The following ENTREP2 variants were observed in gnomAD, a reference collection of about 807,000 sequenced individuals.
The protein encoded by ENTREP2 is protein ENTREP2.
At chr15:29,324,743 C>T in the ENTREP2 span, among the ~76,000 whole-genome samples, 65 of 152,164 alleles carry the variant, frequency 4.3e-4, 2 homozygotes, top group East Asian at 4.8e-3. Flanking sequence ...AAAAACAGAG[C>T]GTCAAAATAC....
the ENTREP2 span, among the ~76,000 whole-genome samples, chr15:29,577,415 A>G: frequency 6.6e-6 from 1 of 151,750 alleles, no homozygotes; most frequent in African/African-American, 2.4e-5. Flanking sequence ...GTGCAGTGGC[A>G]CAAAGACGGC....
the ENTREP2 span, among the ~76,000 whole-genome samples, chr15:29,478,011 A>T: frequency 5.4e-3 from 376 of 70,262 alleles, 10 homozygotes; most frequent in African/African-American, 0.012. Flanking sequence ...ATATATATAT[A>T]TATATATATT....
At chr15:29,654,872 CA>C in the ENTREP2 span, among the ~76,000 whole-genome samples, 1 of 150,742 alleles carries the variant, frequency 6.6e-6, no homozygotes, top group Non-Finnish European at 1.5e-5. Context: ...ACATAAAATT[CA>C]AGGACAAGCC....
the ENTREP2 span, among the ~76,000 whole-genome samples, chr15:29,299,852 G>T: frequency 6.6e-6 from 1 of 151,926 alleles, no homozygotes; most frequent in African/African-American, 2.4e-5. Flanking sequence ...TTAAATGGAT[G>T]GGTAGGTAGA....
the ENTREP2 span, among the ~76,000 whole-genome samples, chr15:29,515,672 T>C: frequency 1.3e-5 from 2 of 152,196 alleles, no homozygotes; most frequent in East Asian, 3.8e-4. Flanking sequence ...TCTAATCTAC[T>C]GAACTAAAAG....
At chr15:29,378,139 C>A in the ENTREP2 span, among the ~76,000 whole-genome samples, 1 of 151,568 alleles carries the variant, frequency 6.6e-6, no homozygotes, top group African/African-American at 2.4e-5. Context: ...TAGCTCATTA[C>A]TTAAGGTGTG....
chr15:29,570,178 T>C, the ENTREP2 span, among the ~76,000 whole-genome samples: 1 of 151,058 alleles, frequency 6.6e-6, no homozygotes, highest in East Asian at 2.0e-4. Flanking sequence ...GGCGAGGTCG[T>C]GTCCCCGGCG....
At chr15:29,165,274 C>A in the ENTREP2 span, among the ~76,000 whole-genome samples, 2 of 151,866 alleles carry the variant, frequency 1.3e-5, no homozygotes, top group African/African-American at 2.4e-5. Context: ...ACTAGAGAAA[C>A]AAGAAAAACC....
At chr15:29,262,003 A>G in the ENTREP2 span, among the ~76,000 whole-genome samples, 1 of 151,842 alleles carries the variant, frequency 6.6e-6, no homozygotes, top group Non-Finnish European at 1.5e-5. Flanking sequence ...AAAGGGAAAC[A>G]ATAAAAAAGA....
the ENTREP2 span, among the ~76,000 whole-genome samples, chr15:29,659,240 G>A: frequency 6.6e-6 from 1 of 152,300 alleles, no homozygotes; most frequent in Non-Finnish European, 1.5e-5. Context: ...GAAGGCTGAG[G>A]CTGGCAGATC....
the ENTREP2 span, among the ~76,000 whole-genome samples, chr15:29,294,099 G>T: frequency 2.0e-5 from 3 of 152,312 alleles, no homozygotes; most frequent in South Asian, 6.2e-4. Context: ...AAGCAAAGAG[G>T]GCCCTCTGGG....
the ENTREP2 span, among the ~76,000 whole-genome samples, chr15:29,537,027 A>C: frequency 6.6e-6 from 1 of 152,130 alleles, no homozygotes; most frequent in South Asian, 2.1e-4. Context: ...GTTTTAAGCC[A>C]CCTAATCTGG....
the ENTREP2 span, chr15:29,375,952 A>C: frequency 6.6e-6 from 1 of 152,170 alleles, no homozygotes; most frequent in South Asian, 2.1e-4. Context: ...AAAATAAACC[A>C]CCATCTGAGT....
chr15:29,649,402 G>T, the ENTREP2 span, among the ~76,000 whole-genome samples: 3 of 152,102 alleles, frequency 2.0e-5, no homozygotes, highest in Admixed American at 6.6e-5. Context: ...ATTTCAGACA[G>T]AGTATTTAGC....
chr15:29,509,566 A>G, the ENTREP2 span, among the ~76,000 whole-genome samples: 65 of 152,306 alleles, frequency 4.3e-4, no homozygotes, highest in Admixed American at 3.9e-3. Flanking sequence ...ATACAGGCCA[A>G]TGGAACAGAA....
At chr15:29,297,815 G>C in the ENTREP2 span, among the ~76,000 whole-genome samples, 8 of 152,104 alleles carry the variant, frequency 5.3e-5, no homozygotes, top group African/African-American at 1.9e-4. Context: ...TTCGGCTCTT[G>C]AACAGCTAGA....
At chr15:29,372,874 C>T in the ENTREP2 span, among the ~76,000 whole-genome samples, 2 of 151,454 alleles carry the variant, frequency 1.3e-5, no homozygotes, top group African/African-American at 4.9e-5. Flanking sequence ...AATACTGAAT[C>T]GTTCAAAAAA....
chr15:29,207,440 CT>C, the ENTREP2 span, among the ~76,000 whole-genome samples: 2 of 90,856 alleles, frequency 2.2e-5, no homozygotes, highest in Non-Finnish European at 4.5e-5. Context: ...CGGTGTGCCG[CT>C]GCCGGTTGGG....
At chr15:29,630,811 C>A in the ENTREP2 span, among the ~76,000 whole-genome samples, 1 of 152,156 alleles carries the variant, frequency 6.6e-6, no homozygotes, top group African/African-American at 2.4e-5. Flanking sequence ...CCTCAGCCTC[C>A]CGAGTAGTTG....
Sources: allele counts gnomAD v4.1 joint callset (sites outside exome capture counted in the v4.1 genomes callset), GRCh38; gene constraint gnomAD v4.1.1; transcripts MANE v1.5; gene names NCBI Gene and HGNC (gene_info 2026-07-23, HGNC 2026-07-21).